The following USP8 variants were observed in gnomAD, a reference collection of about 807,000 sequenced individuals.
The protein encoded by USP8 is ubiquitin specific peptidase 8, also known as ubiquitin carboxyl-terminal hydrolase 8.
USP8 carries 27 observed loss-of-function variants against 130.0 expected under a neutral mutation model. The observed-to-expected ratio is 0.21, with a 90% CI of 0.15 to 0.29. The LOEUF is 0.29. Ranked by LOEUF, USP8 falls within the 10% of genes least tolerant of loss-of-function variation. The pLI, the probability that USP8 is intolerant of heterozygous loss-of-function variation, is 1.00. For synonymous variants in USP8, 392 were observed against 444.1 expected, an observed-to-expected ratio of 0.88 and a Z score of 1.48; for missense variants, 1,029 against 1,312.2, an observed-to-expected ratio of 0.78 and a Z score of 3.33.
chr15:50,440,323 G>A (rs2050215813), intron 2 of USP8, among the ~76,000 whole-genome samples: 1 of 152,202 alleles, frequency 6.6e-6, no homozygotes, highest in African/African-American at 2.4e-5. Context: ...TATCCCAGAG[G>A]AAGTGGTATA....
intron 7 of USP8, among the ~76,000 whole-genome samples, chr15:50,469,470 A>G (rs1211291378): frequency 6.6e-6 from 1 of 152,128 alleles, no homozygotes; most frequent in Non-Finnish European, 1.5e-5. Flanking sequence ...CTAGGGTTGG[A>G]AATAGTCTTT....
chr15:50,458,417 C>G (rs570067275), intron 4 of USP8: 1 of 153,592 alleles, frequency 6.5e-6, no homozygotes, highest in African/African-American at 2.4e-5. Context: ...TCCCAAAGTC[C>G]TGGATTACAG....
At chr15:50,473,568 T>C (rs2051453618) in intron 8 of USP8, among the ~76,000 whole-genome samples, 2 of 152,096 alleles carry the variant, frequency 1.3e-5, no homozygotes, top group African/African-American at 2.4e-5. Context: ...GGCACAATCA[T>C]AGCTCACTGC....
chr15:50,475,901 C>T (rs1216688678), intron 8 of USP8, among the ~76,000 whole-genome samples: 2 of 152,050 alleles, frequency 1.3e-5, no homozygotes, highest in South Asian at 2.1e-4. Flanking sequence ...CCGTGCCCGA[C>T]CAATATATTT....
At chr15:50,496,862 G>A in intron 17 of USP8, 1 of 404,452 alleles carries the variant, frequency 2.5e-6, no homozygotes, top group Non-Finnish European at 4.3e-6. Flanking sequence ...GGGCTTTCCT[G>A]TGTCCTGTCA....
intron 1 of USP8, among the ~76,000 whole-genome samples, chr15:50,427,672 G>C (rs1338570044): frequency 6.9e-6 from 1 of 145,644 alleles, no homozygotes; most frequent in East Asian, 2.0e-4. Flanking sequence ...AAGCAATTCT[G>C]CTTCAGCCTC....
chr15:50,453,782 A>G (rs1397468074), intron 4 of USP8, among the ~76,000 whole-genome samples: 1 of 136,520 alleles, frequency 7.3e-6, no homozygotes, highest in Admixed American at 7.2e-5. Flanking sequence ...TTGAAATTCT[A>G]TTTTTAGGCA....
intron 17 of USP8, among the ~76,000 whole-genome samples, chr15:50,496,495 A>AC (rs962452342): frequency 3.3e-5 from 5 of 151,956 alleles, no homozygotes; most frequent in African/African-American, 1.2e-4. Context: ...AAAAAAAAAA[A>AC]AAAAACCTTT....
chr15:50,468,803 A>G (rs1034535143), intron 7 of USP8, among the ~76,000 whole-genome samples: 1 of 152,146 alleles, frequency 6.6e-6, no homozygotes. Context: ...TTAATACATT[A>G]TAGTATATAT....
intron 1 of USP8, among the ~76,000 whole-genome samples, chr15:50,434,183 AT>A (rs1352100914): frequency 1.3e-5 from 2 of 151,798 alleles, no homozygotes; most frequent in African/African-American, 4.8e-5. Context: ...GCTCACTGCA[AT>A]CTTCACCTCC....
At chr15:50,430,858 G>T (rs185957951) in intron 1 of USP8, among the ~76,000 whole-genome samples, 4 of 152,194 alleles carry the variant, frequency 2.6e-5, no homozygotes, top group African/African-American at 9.7e-5. Flanking sequence ...AGTGGTTCTT[G>T]TTGGGGGTAA....
At chr15:50,426,410 G>C (rs1462079605) in intron 1 of USP8, among the ~76,000 whole-genome samples, 1 of 152,164 alleles carries the variant, frequency 6.6e-6, no homozygotes, top group Non-Finnish European at 1.5e-5. Flanking sequence ...CCAAAACATA[G>C]TGACTTAAAA....
chr15:50,487,420 T>G (rs1312081856), intron 12 of USP8, among the ~76,000 whole-genome samples: 1 of 152,172 alleles, frequency 6.6e-6, no homozygotes, highest in Non-Finnish European at 1.5e-5. Flanking sequence ...GACATCCTTC[T>G]GTTCCTTTTA....
At chr15:50,459,349 C>T (rs182031616) in intron 5 of USP8, among the ~76,000 whole-genome samples, 187 bp downstream of exon 5, 50 of 152,090 alleles carry the variant, frequency 3.3e-4, no homozygotes, top group South Asian at 8.3e-4. Flanking sequence ...TTTGGGAGGC[C>T]GAGGCGGGCA....
intron 16 of USP8, among the ~76,000 whole-genome samples, chr15:50,494,942 G>A (rs758377326): frequency 2.6e-5 from 4 of 151,668 alleles, no homozygotes; most frequent in Non-Finnish European, 5.9e-5. Flanking sequence ...TTGAACCTGG[G>A]AGGCAGAAGT....
chr15:50,495,017 T>TAAA (rs34381291), intron 16 of USP8, among the ~76,000 whole-genome samples: 2 of 113,512 alleles, frequency 1.8e-5, no homozygotes, highest in African/African-American at 3.3e-5. Flanking sequence ...AGACTCTTTC[T>TAAA]AAAAAAAAAA....
chr15:50,445,456 G>A (rs1240785494), intron 3 of USP8, among the ~76,000 whole-genome samples: 2 of 147,112 alleles, frequency 1.4e-5, no homozygotes, highest in East Asian at 2.1e-4. Flanking sequence ...TGAGGCAGGG[G>A]AATCGCTTGA....
chr15:50,443,230 G>A (rs532414347), intron 3 of USP8, among the ~76,000 whole-genome samples: 6 of 151,508 alleles, frequency 4.0e-5, no homozygotes, highest in African/African-American at 9.7e-5. Flanking sequence ...TAGTAGAGAC[G>A]GAGTTTCACC....
intron 4 of USP8, chr15:50,458,731 T>G (rs1212236212): frequency 1.2e-5 from 4 of 340,362 alleles, no homozygotes; most frequent in Admixed American, 9.1e-5. Context: ...TGAATCAATA[T>G]AAAAGGTTGA....
Sources: allele counts gnomAD v4.1 joint callset (sites outside exome capture counted in the v4.1 genomes callset), GRCh38; gene constraint gnomAD v4.1.1; transcripts MANE v1.5; gene names NCBI Gene and HGNC (gene_info 2026-07-23, HGNC 2026-07-21).